The following HSD17B4 variants were observed in gnomAD, a reference collection of about 807,000 sequenced individuals.
The protein encoded by HSD17B4 is peroxisomal multifunctional enzyme type 2.
In HSD17B4, 70 loss-of-function variants were observed where a neutral mutation model predicts 101.0. The observed-to-expected ratio is 0.69, with a 90% confidence interval of 0.57 to 0.85. The LOEUF (loss-of-function observed/expected upper bound fraction) is 0.85. Ranked by LOEUF, HSD17B4 falls within the 40% of genes least tolerant of loss-of-function variation. The pLI is 0.00. For missense variants in HSD17B4, 984 were observed against 892.4 expected (o/e 1.10, Z -1.31); for synonymous variants, 347 against 297.1 (o/e 1.17, Z -1.73).
intron 8 of HSD17B4, among the ~76,000 whole-genome samples, chr5:119,488,546 C>G (rs1749810319): frequency 6.6e-6 from 1 of 151,950 alleles, no homozygotes; most frequent in African/African-American, 2.4e-5. Flanking sequence ...TACCAGTTAC[C>G]CTGATTTGGT....
chr5:119,456,499 A>G, intron 2 of HSD17B4, 131 bp downstream of exon 2: 1 of 719,600 alleles, frequency 1.4e-6, no homozygotes, highest in Non-Finnish European at 2.5e-6. Context: ...TTTTGCCAGA[A>G]GGTTTTTACC....
At chr5:119,528,628 A>G (rs1753803119) in intron 20 of HSD17B4, among the ~76,000 whole-genome samples, 1 of 152,134 alleles carries the variant, frequency 6.6e-6, no homozygotes, top group South Asian at 2.1e-4. Flanking sequence ...GATTAAGATT[A>G]TGAACTCTAA....
At chr5:119,506,967 G>A in intron 15 of HSD17B4, 78 bp downstream of exon 15, 1 of 730,698 alleles carries the variant, frequency 1.4e-6, no homozygotes, top group South Asian at 1.6e-5. Context: ...CACCATAGAA[G>A]TTGATTAATA....
At chr5:119,475,756 T>C (rs1336161629) in intron 5 of HSD17B4, 29 bp downstream of exon 5, 12 of 1,584,832 alleles carry the variant, frequency 7.6e-6, no homozygotes, top group South Asian at 1.1e-5. Flanking sequence ...TTTTTAGTGA[T>C]GTGTGTATAA....
At chr5:119,521,517 CTT>C (rs1378736179) in intron 17 of HSD17B4, among the ~76,000 whole-genome samples, 2 of 151,960 alleles carry the variant, frequency 1.3e-5, no homozygotes, top group Non-Finnish European at 2.9e-5. Context: ...TATGTTGAAT[CTT>C]TTCATGTCTT....
chr5:119,501,664 C>T (rs1189983596), intron 13 of HSD17B4, among the ~76,000 whole-genome samples: 2 of 152,064 alleles, frequency 1.3e-5, no homozygotes, highest in Non-Finnish European at 1.5e-5. Context: ...CTAGCACTGG[C>T]GCATTTGTTC....
chr5:119,504,453 TGAC>T, intron 14 of HSD17B4, among the ~76,000 whole-genome samples: 1 of 152,196 alleles, frequency 6.6e-6, no homozygotes, highest in African/African-American at 2.4e-5. Context: ...GTTATTTTTT[TGAC>T]TTTTTAGTAA....
intron 14 of HSD17B4, among the ~76,000 whole-genome samples, chr5:119,503,985 C>T (rs893992246): frequency 8.6e-5 from 13 of 152,042 alleles, no homozygotes; most frequent in African/African-American, 2.7e-4. Flanking sequence ...TTTATGTCCA[C>T]GTGTACCCAG....
chr5:119,481,734 ATG>A (rs796278091), intron 8 of HSD17B4, among the ~76,000 whole-genome samples: 3 of 152,274 alleles, frequency 2.0e-5, no homozygotes, highest in African/African-American at 7.2e-5. Flanking sequence ...GACTTGCCTG[ATG>A]TAGAGTTGCC....
intron 14 of HSD17B4, among the ~76,000 whole-genome samples, chr5:119,503,163 G>T (rs953044446): frequency 6.7e-6 from 1 of 149,844 alleles, no homozygotes; most frequent in Non-Finnish European, 1.5e-5. Context: ...GGTGACAGTG[G>T]CTAGGAAGCT....
At chr5:119,501,422 C>T (rs764329297) in intron 13 of HSD17B4, among the ~76,000 whole-genome samples, 2 of 151,462 alleles carry the variant, frequency 1.3e-5, no homozygotes, top group Admixed American at 6.6e-5. Flanking sequence ...TTTGGTTTTC[C>T]TGTCCTGTTG....
intron 11 of HSD17B4, among the ~76,000 whole-genome samples, chr5:119,495,492 C>G (rs949097859): frequency 1.3e-5 from 2 of 151,972 alleles, no homozygotes; most frequent in Non-Finnish European, 2.9e-5. Context: ...GTGTTTGAGC[C>G]AAGAAGTAAT....
chr5:119,474,378 A>G, intron 3 of HSD17B4, 23 bp from the exon 4 acceptor site: 1 of 1,562,262 alleles, frequency 6.4e-7, no homozygotes. Context: ...CCGAAATTTC[A>G]TACAAATTTT....
intron 22 of HSD17B4, among the ~76,000 whole-genome samples, chr5:119,532,499 C>CT (rs1027564773): frequency 2.6e-5 from 4 of 151,912 alleles, no homozygotes; most frequent in African/African-American, 9.7e-5. Flanking sequence ...GAAATTGATG[C>CT]TTTACCTTCT....
At chr5:119,494,656 A>G (rs968973791) in intron 11 of HSD17B4, among the ~76,000 whole-genome samples, 2 of 151,952 alleles carry the variant, frequency 1.3e-5, no homozygotes, top group Non-Finnish European at 2.9e-5. Flanking sequence ...TCTAATTTTA[A>G]CTGTTCTCCA....
At chr5:119,485,144 C>T (rs185173381) in intron 8 of HSD17B4, among the ~76,000 whole-genome samples, 1 of 152,130 alleles carries the variant, frequency 6.6e-6, no homozygotes, top group Admixed American at 6.5e-5. Flanking sequence ...TACCAAGAGA[C>T]AAACCACTAG....
chr5:119,505,682 T>C (rs980052145), intron 14 of HSD17B4, among the ~76,000 whole-genome samples: 1 of 152,192 alleles, frequency 6.6e-6, no homozygotes, highest in Non-Finnish European at 1.5e-5. Flanking sequence ...TAGAATGATA[T>C]CATTGGTGAA....
chr5:119,453,244 G>T (rs868400301), intron 1 of HSD17B4, among the ~76,000 whole-genome samples: 15 of 152,210 alleles, frequency 9.9e-5, no homozygotes, highest in Non-Finnish European at 1.9e-4. Context: ...GAGGTTGTAA[G>T]CTCAAATGCG....
Position 119,532,688 on chromosome 5 carries a change from A to G in HSD17B4, c.1993+1284A>G, listed in dbSNP as rs1420511484. On this transcript the variant is annotated intron_variant, in intron 22 of 23. Coordinates refer to ENST00000510025, the MANE Select transcript of HSD17B4 (RefSeq NM_000414.4). ...TGTTGTAGTAAACCCTTTGAATCCT[A>G]TTTTATTGTTCTAAGCAACGGTAAA... 2.6e-5 allele frequency among the ~76,000 whole-genome samples: 4 copies of G among 152,038 alleles called. No homozygotes were observed. In the South Asian group the frequency reaches 6.2e-4, roughly 24 times the overall value.
Sources: gnomAD v4.1 joint callset for allele counts (sites outside exome capture counted in the v4.1 genomes callset) on GRCh38, gnomAD v4.1.1 for gene constraint, MANE v1.5 for transcripts, NCBI Gene and HGNC (gene_info 2026-07-23, HGNC 2026-07-21) for gene names.